The following ACVR2A variants were observed in gnomAD, a reference collection of about 807,000 sequenced individuals.
The protein encoded by ACVR2A is activin receptor type-2A.
In ACVR2A, 7 loss-of-function variants were observed where a neutral mutation model predicts 61.4. That is an observed-to-expected ratio of 0.11 (90% confidence interval 0.06 to 0.21). The LOEUF is 0.21. Among genes scored for constraint, ACVR2A ranks in the 10% least tolerant of loss-of-function variants. ACVR2A has a pLI of 1.00. For missense variants in ACVR2A, 322 were observed against 621.7 expected, an observed-to-expected ratio of 0.52 and a Z score of 5.13; for synonymous variants, 193 against 208.3, an observed-to-expected ratio of 0.93 and a Z score of 0.63.
rs865792851 is a variant in ACVR2A at position 147,845,348 on chromosome 2, G to C, written c.55+141G>C. The C allele has an allele frequency of 1.3e-3, 345 of 271,912 alleles. 1 individual carries two copies. The highest frequency in any genetic ancestry group is 3.0e-3 in the Admixed American group (30 of 10,052). 16.8% of individuals were successfully genotyped at this position (271,912 alleles called of 1,614,324 possible). ...CTCCCTGCGCCCCTCGGCTGCCACCGCCCCCCCCCCCCGCCCCCAGGTCTG... is the reference window on the plus strand; with the variant it reads ...CTCCCTGCGCCCCTCGGCTGCCACCCCCCCCCCCCCCCGCCCCCAGGTCTG... On this transcript the variant is annotated intron_variant, in intron 1 of 10. Transcript: ENST00000241416.
intron 1 of ACVR2A, among the ~76,000 whole-genome samples, chr2:147,891,189 A>G (rs983351951): frequency 2.6e-5 from 4 of 152,160 alleles, no homozygotes; most frequent in Non-Finnish European, 5.9e-5. Context: ...GCTGATTGGA[A>G]TTGACTCCGA....
intron 1 of ACVR2A, among the ~76,000 whole-genome samples, chr2:147,848,525 A>G (rs1573908164): frequency 1.3e-5 from 2 of 152,176 alleles, no homozygotes; most frequent in African/African-American, 4.8e-5. Context: ...AGCTGGCTCA[A>G]TATGTCAGTA....
At chr2:147,926,989 A>G in intron 10 of ACVR2A, 91 bp from the exon 11 acceptor site, 1 of 1,260,144 alleles carries the variant, frequency 7.9e-7, no homozygotes, top group African/African-American at 1.5e-5. Context: ...TTGACCCAGA[A>G]AAATAGCCAT....
rs370055690 is a variant in ACVR2A, at chr2:147,867,949, A to G, written c.55+22742A>G. Among the ~76,000 whole-genome samples, 7 of 152,012 alleles carry G rather than the reference A, an allele frequency of 4.6e-5. No individual in the cohort carries two copies. The East Asian group carries it at 1.3e-3, about 29-fold the overall frequency. On this transcript the variant is annotated intron_variant, in intron 1 of 10. Coordinates refer to ENST00000241416, the MANE Select transcript of ACVR2A (RefSeq NM_001616.5). ...CCTGCAATTACTGTGGGACACCTCTATCTCACCTCTTCCCTAGCAAGTTGT... is the reference window on the plus strand; with the variant it reads ...CCTGCAATTACTGTGGGACACCTCTGTCTCACCTCTTCCCTAGCAAGTTGT...
intron 1 of ACVR2A, among the ~76,000 whole-genome samples, chr2:147,851,723 T>C (rs143656774): frequency 4.4e-4 from 67 of 152,226 alleles, no homozygotes; most frequent in Non-Finnish European, 7.2e-4. Flanking sequence ...CAGTAATAAT[T>C]GCAAATGTTT....
At chr2:147,917,161 AT>A in intron 5 of ACVR2A, 121 bp from the exon 6 acceptor site, 1 of 1,098,750 alleles carries the variant, frequency 9.1e-7, no homozygotes, top group South Asian at 2.2e-5. Context: ...AGAACAAAAA[AT>A]TTTTTAAGAC....
At chr2:147,920,201 T>C (rs372295463) in intron 7 of ACVR2A, 29 bp from the exon 8 acceptor site, 1 of 1,525,914 alleles carries the variant, frequency 6.6e-7, no homozygotes, top group African/African-American at 1.4e-5. Context: ...TAGTTTAAAC[T>C]TAATTTGAAT....
chr2:147,876,581 A>G (rs766307428), intron 1 of ACVR2A, among the ~76,000 whole-genome samples: 6 of 152,174 alleles, frequency 3.9e-5, no homozygotes, highest in Non-Finnish European at 5.9e-5. Flanking sequence ...TCATCAGCCT[A>G]TCACTGTCAT....
At chr2:147,852,038 A>AT (rs1685461384) in intron 1 of ACVR2A, among the ~76,000 whole-genome samples, 1 of 151,930 alleles carries the variant, frequency 6.6e-6, no homozygotes, top group Admixed American at 6.6e-5. Context: ...AGAAAAGATG[A>AT]TTTTGCTCAT....
At chr2:147,916,226 CCA>C (rs1687247013) in intron 5 of ACVR2A, among the ~76,000 whole-genome samples, 1 of 151,530 alleles carries the variant, frequency 6.6e-6, no homozygotes, top group African/African-American at 2.4e-5. Context: ...TAGCTGTAAA[CCA>C]CAGTTTAGTT....
chr2:147,858,309 C>A (rs1211474411), intron 1 of ACVR2A, among the ~76,000 whole-genome samples: 1 of 152,038 alleles, frequency 6.6e-6, no homozygotes, highest in African/African-American at 2.4e-5. Flanking sequence ...GGGAACTATA[C>A]CAGCACTTCG....
intron 1 of ACVR2A, among the ~76,000 whole-genome samples, chr2:147,881,893 C>G (rs1434274227): frequency 6.6e-6 from 1 of 151,986 alleles, no homozygotes; most frequent in Admixed American, 6.6e-5. Context: ...TTTAAGTCCT[C>G]TAAAAATTTT....
At chr2:147,859,278 A>T (rs529602766) in intron 1 of ACVR2A, among the ~76,000 whole-genome samples, 7 of 151,876 alleles carry the variant, frequency 4.6e-5, no homozygotes, top group Non-Finnish European at 7.4e-5. Context: ...TCTCTCTTCT[A>T]CCTGCTGGGG....
At chr2:147,895,179 C>A (rs918479605) in intron 1 of ACVR2A, among the ~76,000 whole-genome samples, 1 of 152,028 alleles carries the variant, frequency 6.6e-6, no homozygotes, top group Non-Finnish European at 1.5e-5. Flanking sequence ...CACTTACAGA[C>A]CATACATGGC....
In ACVR2A at chr2:147,845,167, A is replaced by G. The variant is rs200659573; in HGVS notation, c.15A>G (p.Ala5=). MGAA[A]KLAFAVFLIS... is the part of the protein sequence containing the mutation. ...GCCTCGGGAAAATGGGAGCTGCTGC[A>G]AAGTTGGCGTTTGCCGTCTTTCTTA... The change falls in exon 1 of 11, where the codon GCA becomes GCG. Residue 5 remains alanine, a synonymous_variant. Transcript: ENST00000241416. The G allele has an allele frequency of 1.7e-5, 28 of 1,613,290 alleles. No homozygotes were observed. In the Admixed American group the frequency reaches 4.2e-4, roughly 24 times the overall value.
At chr2:147,895,173 TACAG>T (rs1426687694) in intron 1 of ACVR2A, among the ~76,000 whole-genome samples, 6 of 152,162 alleles carry the variant, frequency 3.9e-5, no homozygotes, top group Non-Finnish European at 8.8e-5. Context: ...CATACACACT[TACAG>T]ACCATACATG....
At chr2:147,926,230 T>C (rs1465218083) in intron 10 of ACVR2A, 69 bp downstream of exon 10, 2 of 1,532,972 alleles carry the variant, frequency 1.3e-6, no homozygotes, top group Non-Finnish European at 1.8e-6. Context: ...TATTTATCTC[T>C]GCACATTTCT....
intron 1 of ACVR2A, among the ~76,000 whole-genome samples, chr2:147,854,663 G>A (rs1685525872): frequency 6.6e-6 from 1 of 152,010 alleles, no homozygotes; most frequent in South Asian, 2.1e-4. Flanking sequence ...AATCAATATT[G>A]AACTACATGC....
chr2:147,847,303 A>G (rs1685335833), intron 1 of ACVR2A, among the ~76,000 whole-genome samples: 1 of 152,106 alleles, frequency 6.6e-6, no homozygotes, highest in African/African-American at 2.4e-5. Context: ...TACATGAACA[A>G]TTTGAGTACT....
Sources: gnomAD v4.1 joint callset for allele counts (sites outside exome capture counted in the v4.1 genomes callset) on GRCh38, gnomAD v4.1.1 for gene constraint, MANE v1.5 for transcripts, NCBI Gene and HGNC (gene_info 2026-07-23, HGNC 2026-07-21) for gene names.